The following KIAA0513 variants were observed in gnomAD, a reference collection of about 807,000 sequenced individuals.
KIAA0513 encodes the protein uncharacterized protein KIAA0513.
Under a neutral mutation model 56.5 loss-of-function variants are expected in KIAA0513, and 39 were observed. The ratio of observed to expected loss-of-function variants is 0.69; its 90% CI spans 0.53 to 0.90. The LOEUF (loss-of-function observed/expected upper bound fraction) is 0.90. Among genes scored for constraint, KIAA0513 ranks in the 40% least tolerant of loss-of-function variants. The pLI is 0.00. For synonymous variants in KIAA0513, 268 were observed against 215.6 expected, an observed-to-expected ratio of 1.24 and a Z score of -2.13; for missense variants, 591 against 535.2, an observed-to-expected ratio of 1.10 and a Z score of -1.03.
chr16:85,035,468 T>A (rs1489239977), intron 1 of KIAA0513, among the ~76,000 whole-genome samples: 1 of 152,172 alleles, frequency 6.6e-6, no homozygotes, highest in African/African-American at 2.4e-5. Context: ...TCACTTTGCT[T>A]ACGCTGTTTG....
At chr16:85,087,399 T>C (rs1238646240) in intron 12 of KIAA0513, among the ~76,000 whole-genome samples, 2 of 152,144 alleles carry the variant, frequency 1.3e-5, no homozygotes, top group East Asian at 3.9e-4. Flanking sequence ...TTGCGGGCAT[T>C]GGGGCCATAG....
At chr16:85,073,263 A>C (rs564895511) in intron 4 of KIAA0513, among the ~76,000 whole-genome samples, 1 of 152,318 alleles carries the variant, frequency 6.6e-6, no homozygotes, top group South Asian at 2.1e-4. Flanking sequence ...GTGGGTCCTC[A>C]GGGCCAGATG....
Position 85,071,631 on chromosome 16 carries a change from G to A in KIAA0513, c.330-152G>A, listed in dbSNP as rs548583115. 1.0e-3 allele frequency: 639 copies of A among 621,322 alleles called. 2 individuals are homozygous for A. The highest frequency in any genetic ancestry group is 1.5e-3 in the Non-Finnish European group (556 of 362,800). The allele number at this position is 621,322 out of a possible 1,614,324, so 38.5% of individuals were successfully genotyped here. The stretch of plus-strand genomic sequence containing the variant: ...AGTAACACCCTTTCCTCATGGGACC[G>A]CCCGGAGGCTGAGATGAGCTGATGG... On this transcript the variant is annotated intron_variant, in intron 2 of 12. Coordinates refer to ENST00000683363, the MANE Select transcript of KIAA0513 (RefSeq NM_001388359.1).
intron 1 of KIAA0513, among the ~76,000 whole-genome samples, chr16:85,030,073 C>G (rs1263967217): frequency 1.3e-5 from 2 of 152,202 alleles, no homozygotes; most frequent in Non-Finnish European, 2.9e-5. Flanking sequence ...CAGAGGCTTG[C>G]AAAACATCCT....
chr16:85,088,336 T>C lies in KIAA0513; in HGVS notation c.*11T>C. 1.2e-6 allele frequency: 2 copies of C among 1,607,900 alleles called. No homozygotes were observed. Among genetic ancestry groups the C allele is most frequent in the African/African-American group, 2.7e-5 (2 of 74,998 alleles). ...ATGGCCACTGAGTAGGCCCCAGAGG[T>C]CGCACTCCGCAGGAGGACTGAGGCC... On this transcript the variant is annotated 3_prime_UTR_variant, in exon 13 of 13. Transcript: ENST00000683363.
intron 1 of KIAA0513, among the ~76,000 whole-genome samples, chr16:85,028,971 G>T (rs1018584963): frequency 2.0e-5 from 3 of 152,202 alleles, no homozygotes; most frequent in Non-Finnish European, 2.9e-5. Flanking sequence ...TAAAAGCAGG[G>T]CAGAGAGATG....
intron 1 of KIAA0513, among the ~76,000 whole-genome samples, chr16:85,064,964 C>T (rs572347007): frequency 2.9e-4 from 44 of 152,274 alleles, no homozygotes; most frequent in East Asian, 9.7e-4. Context: ...GGATAACAGG[C>T]GTGAGCCACC....
intron 1 of KIAA0513, among the ~76,000 whole-genome samples, chr16:85,060,768 C>T (rs767449636): frequency 6.6e-6 from 1 of 151,010 alleles, no homozygotes. Context: ...CACTTGAGCA[C>T]AGGAGGTCAA....
chr16:85,049,274 C>A (rs563447181), intron 1 of KIAA0513, among the ~76,000 whole-genome samples: 1 of 152,358 alleles, frequency 6.6e-6, no homozygotes, highest in South Asian at 2.1e-4. Context: ...CCCAGTCTTT[C>A]CTCCCATAGA....
intron 6 of KIAA0513, 43 bp from the exon 7 acceptor site, chr16:85,078,369 TGTG>T (rs1363474445): frequency 6.2e-7 from 1 of 1,608,638 alleles, no homozygotes; most frequent in Admixed American, 1.7e-5. Context: ...GTTGAGAAAG[TGTG>T]GTGTGAGTCG....
At position 85,090,990 on chromosome 16, in the gene KIAA0513, C is replaced by A. The variant is rs968106943; in HGVS notation, c.*2665C>A. 8 of 152,280 alleles carry A rather than the reference C, an allele frequency of 5.3e-5. No homozygotes were observed. The highest frequency in any genetic ancestry group is 1.2e-4 in the Non-Finnish European group (8 of 68,072). 9.4% of individuals were successfully genotyped at this position (152,280 alleles called of 1,614,324 possible). ...AAGGTCCCTGCGTGGGGAGGTGTCA[C>A]ACCAGGGGCACACCCAGGGCCACCT... On this transcript the variant is annotated 3_prime_UTR_variant, in exon 13 of 13. Coordinates refer to ENST00000683363, the MANE Select transcript of KIAA0513 (RefSeq NM_001388359.1).
chr16:85,061,337 A>G (rs1486683546), intron 1 of KIAA0513, among the ~76,000 whole-genome samples: 1 of 152,148 alleles, frequency 6.6e-6, no homozygotes, highest in Non-Finnish European at 1.5e-5. Flanking sequence ...TGTCGCTGTA[A>G]GAGGTGAGGA....
chr16:85,043,233 C>G (rs2073126505), intron 1 of KIAA0513, among the ~76,000 whole-genome samples: 1 of 152,024 alleles, frequency 6.6e-6, no homozygotes, highest in African/African-American at 2.4e-5. Context: ...CTACCCCCAG[C>G]TACAACTGAA....
At chr16:85,035,275 G>T (rs924481877) in intron 1 of KIAA0513, among the ~76,000 whole-genome samples, 1 of 151,852 alleles carries the variant, frequency 6.6e-6, no homozygotes, top group Non-Finnish European at 1.5e-5. Flanking sequence ...TGTCCTGCTC[G>T]TTCTTCGGTT....
chr16:85,087,150 T>A lies in KIAA0513; in HGVS notation c.1170T>A (p.Ile390=). The A allele has an allele frequency of 6.2e-7, 1 of 1,614,080 alleles. No individual in the cohort carries two copies. Among genetic ancestry groups the A allele is most frequent in the Non-Finnish European group, 8.5e-7 (1 of 1,179,930 alleles). ...CNDFLKKQAV[I]GNLDEEQYKL... is the part of the protein sequence containing the mutation. ...ACTTCCTGAAGAAGCAGGCTGTGATTGGCAACCTGGATGAAGGTGCGTCTG... is the reference window on the plus strand; with the variant it reads ...ACTTCCTGAAGAAGCAGGCTGTGATAGGCAACCTGGATGAAGGTGCGTCTG... The change falls in exon 12 of 13, where the codon ATT becomes ATA. Residue 390 remains isoleucine, a synonymous_variant. Transcript: ENST00000683363.
chr16:85,040,845 T>G (rs2073095907), intron 1 of KIAA0513, among the ~76,000 whole-genome samples: 1 of 152,184 alleles, frequency 6.6e-6, no homozygotes, highest in Non-Finnish European at 1.5e-5. Flanking sequence ...CCTTGAGAAC[T>G]GTGGATCAAT....
At position 85,093,618 on chromosome 16, in the gene KIAA0513, G is replaced by C. The variant is rs762036076; in HGVS notation, c.*5293G>C. On this transcript the variant is annotated 3_prime_UTR_variant, in exon 13 of 13. Transcript: ENST00000683363. ...TGCTCATGAAATAGAGGTGGGGGAC[G>C]ACCGCATGCACTCTGGGAGGTGCAG... 2.0e-5 allele frequency: 3 copies of C among 152,450 alleles called. No homozygotes were observed. The highest frequency in any genetic ancestry group is 4.4e-5 in the Non-Finnish European group (3 of 68,050). The allele number at this position is 152,450 out of a possible 1,614,324, so 9.4% of individuals were successfully genotyped here.
chr16:85,052,618 C>T (rs796091004), intron 1 of KIAA0513, among the ~76,000 whole-genome samples: 2 of 152,194 alleles, frequency 1.3e-5, no homozygotes, highest in South Asian at 4.1e-4. Flanking sequence ...TTGGACGTGG[C>T]TAACCACAGT....
Position 85,078,948 on chromosome 16 carries a change from GA to G in KIAA0513, c.851del (p.Lys284ArgfsTer12). The G allele has an allele frequency of 6.2e-7, 1 of 1,614,160 alleles. No homozygotes were observed. On this transcript the variant is annotated frameshift_variant, in exon 8 of 13. Coordinates refer to ENST00000683363, the MANE Select transcript of KIAA0513 (RefSeq NM_001388359.1). ...RAVTAYSPEDEKKGEKIYLYT... is the reference protein window; with the variant it reads ...RAVTAYSPEDXKKGEKIYLYT... ...AGTGACCGCGTACAGCCCCGAGGAC[GA>G]AAAGAAGGGGGAGAAGATCTACCTG...
Sources: allele counts gnomAD v4.1 joint callset (sites outside exome capture counted in the v4.1 genomes callset), GRCh38; gene constraint gnomAD v4.1.1; transcripts MANE v1.5; gene names NCBI Gene and HGNC (gene_info 2026-07-23, HGNC 2026-07-21).